The following TCERG1L variants were observed in gnomAD, a reference collection of about 807,000 sequenced individuals.
TCERG1L encodes the protein transcription elongation regulator 1 like.
TCERG1L carries 37 observed loss-of-function variants against 56.3 expected under a neutral mutation model. That is an observed-to-expected ratio of 0.66 (90% CI 0.51 to 0.87). The LOEUF (loss-of-function observed/expected upper bound fraction) is 0.87, where lower values mean the gene tolerates loss of function less well. TCERG1L is among the 40% of genes least tolerant of loss of function. TCERG1L has a pLI of 0.00. For missense variants in TCERG1L, 799 were observed against 774.2 expected, an observed-to-expected ratio of 1.03 and a Z score of -0.38; for synonymous variants, 324 against 326.3, an observed-to-expected ratio of 0.99 and a Z score of 0.08.
intron 8 of TCERG1L, among the ~76,000 whole-genome samples, chr10:131,124,294 T>C (rs1365609812): frequency 6.6e-6 from 1 of 152,182 alleles, no homozygotes; most frequent in Non-Finnish European, 1.5e-5. Context: ...CTCCAGATTC[T>C]ACTTTCCAAA....
Position 131,285,275 on chromosome 10 carries a change from G to A in TCERG1L, c.670+22936C>T, listed in dbSNP as rs529660401. Among the ~76,000 whole-genome samples the A allele has an allele frequency of 7.6e-4, 115 of 151,994 alleles. 1 individual carries two copies. The highest frequency in any genetic ancestry group is 2.6e-3 in the African/African-American group (108 of 41,450). On this transcript the variant is annotated intron_variant, in intron 3 of 11. Transcript: ENST00000368642. ...TGCCTGTAATCTCAGCTACTCAGGA[G>A]GCTGAGGCAGGAGAATCACTTGAAC... is the stretch of plus-strand genomic sequence containing the variant.
chr10:131,274,114 C>G (rs2133555950), intron 3 of TCERG1L, among the ~76,000 whole-genome samples: 1 of 152,294 alleles, frequency 6.6e-6, no homozygotes, highest in South Asian at 2.1e-4. Context: ...CCTTCCTTTT[C>G]CTGCTCTGCT....
intron 7 of TCERG1L, among the ~76,000 whole-genome samples, chr10:131,137,717 C>T (rs1349639736): frequency 6.6e-6 from 1 of 152,216 alleles, no homozygotes; most frequent in Non-Finnish European, 1.5e-5. Flanking sequence ...GGGTTTTAAA[C>T]ATTGGTTTGT....
At chr10:131,259,127 C>T (rs1035187833) in intron 4 of TCERG1L, among the ~76,000 whole-genome samples, 1 of 152,144 alleles carries the variant, frequency 6.6e-6, no homozygotes, top group African/African-American at 2.4e-5. Context: ...ATAGAAATAG[C>T]GAACGCCGAA....
intron 4 of TCERG1L, among the ~76,000 whole-genome samples, chr10:131,176,403 CAT>C (rs568281998): frequency 0.011 from 1,616 of 148,596 alleles, 28 homozygotes; most frequent in African/African-American, 0.033. Flanking sequence ...CACACCATGA[CAT>C]GTGCACATAC....
Position 131,253,059 on chromosome 10 carries a change from G to A in TCERG1L, c.856+7200C>T, listed in dbSNP as rs183190858. 4.1e-4 allele frequency among the ~76,000 whole-genome samples: 63 copies of A among 152,332 alleles called. No homozygotes were observed. The East Asian group carries it at 0.012, about 29-fold the overall frequency. ...TTCCCTGCTGGGCCGGTCACAGACT[G>A]TCCCTGAGGGTCCTCAGCACAGTAG... On this transcript the variant is annotated intron_variant, in intron 4 of 11. Transcript: ENST00000368642.
chr10:131,244,181 G>T (rs1457393281), intron 4 of TCERG1L, among the ~76,000 whole-genome samples: 1 of 152,228 alleles, frequency 6.6e-6, no homozygotes. Context: ...CCGTGGGGTG[G>T]AGGCCCGGGG....
At chr10:131,222,527 G>A (rs1285558870) in intron 4 of TCERG1L, among the ~76,000 whole-genome samples, 1 of 151,940 alleles carries the variant, frequency 6.6e-6, no homozygotes, top group Non-Finnish European at 1.5e-5. Context: ...GTGCCAGCCT[G>A]GTGCTGGGAC....
intron 3 of TCERG1L, among the ~76,000 whole-genome samples, chr10:131,276,026 C>T (rs1452150214): frequency 6.6e-6 from 1 of 152,220 alleles, no homozygotes; most frequent in Non-Finnish European, 1.5e-5. Flanking sequence ...CAGGATCCTG[C>T]TCCAAGGCCC....
rs1845318513 is a variant in TCERG1L at position 131,103,003 on chromosome 10, A to G, written c.1485+1262T>C. On this transcript the variant is annotated intron_variant, in intron 10 of 11. Transcript: ENST00000368642. This position sits in a 1 kb window ranked among gnomAD's most constrained non-coding sequence, Gnocchi z 4.3. ...AGTCTCTCCTTAAAATAGTCCCCGG[A>G]GAACCCCCTCTAATCAATTCCGTGT... Among the ~76,000 whole-genome samples the G allele has an allele frequency of 6.6e-6, 1 of 151,982 alleles. No homozygotes were observed. The highest frequency in any genetic ancestry group is 2.1e-4 in the South Asian group (1 of 4,802).
chr10:131,225,766 G>C (rs561705133), intron 4 of TCERG1L, among the ~76,000 whole-genome samples: 4 of 151,492 alleles, frequency 2.6e-5, no homozygotes, highest in African/African-American at 7.3e-5. Flanking sequence ...TGCACACAGC[G>C]ATGCCCCAGG....
At chr10:131,161,324 T>C (rs907698715) in intron 6 of TCERG1L, 6 of 152,214 alleles carry the variant, frequency 3.9e-5, no homozygotes, top group African/African-American at 1.2e-4. Context: ...CCACCAGGCC[T>C]GTGTGAGCAC....
At chr10:131,295,222 C>T (rs550788013) in intron 3 of TCERG1L, among the ~76,000 whole-genome samples, 3 of 152,348 alleles carry the variant, frequency 2.0e-5, no homozygotes, top group African/African-American at 4.8e-5. Flanking sequence ...TTTACCCATT[C>T]ACCAGCCAAC....
chr10:131,166,903 T>C lies in TCERG1L; in HGVS notation c.857-18A>G. On this transcript the variant is annotated intron_variant, in intron 4 of 11. Coordinates refer to ENST00000368642, the MANE Select transcript of TCERG1L (RefSeq NM_174937.4). Reference sequence around the variant, plus strand: ...CCTTGTATCTGTTGGGCCAAAGCAGTTGTCATTAACATTTCATTTGTCACA... The same window carrying C: ...CCTTGTATCTGTTGGGCCAAAGCAGCTGTCATTAACATTTCATTTGTCACA... 1 of 1,599,652 alleles carries C rather than the reference T, an allele frequency of 6.3e-7. No homozygotes were observed.
rs552900437 is a variant in TCERG1L, at chr10:131,175,222, A to G, written c.857-8337T>C. Among the ~76,000 whole-genome samples, 420 of 152,326 alleles carry G rather than the reference A, an allele frequency of 2.8e-3. 1 individual carries two copies. Among genetic ancestry groups the G allele is most frequent in the Non-Finnish European group, 4.7e-3 (321 of 68,032 alleles). On this transcript the variant is annotated intron_variant, in intron 4 of 11. Coordinates refer to ENST00000368642, the MANE Select transcript of TCERG1L (RefSeq NM_174937.4). ...TGGAGATGCAGGAAGTGCTGCACCC[A>G]GCAGAGTGAGCTTTGGGATCCGAGG...
At position 131,260,297 on chromosome 10, in the gene TCERG1L, G is replaced by T; in HGVS notation, c.818C>A (p.Ala273Glu). 7.0e-7 allele frequency: 1 copy of T among 1,435,606 alleles called. No individual in the cohort carries two copies. 88.9% of individuals were successfully genotyped at this position (1,435,606 alleles called of 1,614,324 possible). A position where few individuals can be genotyped will look rare whatever the true frequency, so the allele number is the denominator to read the frequency against. The change falls in exon 4 of 12, where the codon GCA becomes GAA. Residue 273 changes from alanine (A) to glutamate (E), a missense_variant. Ala to Glu is a moderately radical substitution (Grantham distance 107). Coordinates refer to ENST00000368642, the MANE Select transcript of TCERG1L (RefSeq NM_174937.4). The surrounding 1 kb of genome is among the most constrained non-coding windows in gnomAD (Gnocchi z 5.8). ...CGTCCGGAGGGGTATTTTGATGGGT[G>T]CCAAGGTCAGGAAGTGGCGCGGCTG... The part of the protein sequence containing the change: ...SVQPRHFLTL[A>E]PIKIPLRTSP...
intron 6 of TCERG1L, among the ~76,000 whole-genome samples, chr10:131,151,317 G>A (rs1423889327): frequency 6.6e-6 from 1 of 152,128 alleles, no homozygotes; most frequent in African/African-American, 2.4e-5. Context: ...TTACTTCCAA[G>A]ACACAAATGG....
chr10:131,226,552 G>C (rs957680269), intron 4 of TCERG1L, among the ~76,000 whole-genome samples: 2 of 152,182 alleles, frequency 1.3e-5, no homozygotes, highest in Non-Finnish European at 2.9e-5. Flanking sequence ...ATGACGATTA[G>C]CATTCAGCAG....
intron 3 of TCERG1L, among the ~76,000 whole-genome samples, chr10:131,264,688 G>A (rs973372131): frequency 6.6e-6 from 1 of 152,188 alleles, no homozygotes; most frequent in Non-Finnish European, 1.5e-5. Context: ...TCATTCTCAG[G>A]TCTCATTATC....
Sources: allele counts gnomAD v4.1 joint callset (sites outside exome capture counted in the v4.1 genomes callset), GRCh38; gene constraint gnomAD v4.1.1; non-coding constraint Gnocchi (gnomAD v3.1); transcripts MANE v1.5; gene names NCBI Gene and HGNC (gene_info 2026-07-23, HGNC 2026-07-21).